CDS2: variants seen among roughly 807,000 people sequenced by gnomAD.
CDS2 encodes the protein CDP-diacylglycerol synthase 2.
CDS2 carries 47 observed loss-of-function variants against 59.0 expected under a neutral mutation model. The observed-to-expected ratio is 0.80, with a 90% CI of 0.63 to 1.02. CDS2 has a LOEUF of 1.02. CDS2 is among the 50% of genes least tolerant of loss of function. The probability of loss-of-function intolerance (pLI) is 0.00; values close to 1 mark genes in which losing one functional copy is unlikely to be tolerated. For synonymous variants in CDS2, 207 were observed against 206.4 expected (o/e 1.00, Z -0.02); for missense variants, 356 against 558.9 (o/e 0.64, Z 3.66).
rs1306154042 is a variant in CDS2 at position 5,192,309 on chromosome 20, CTCA to C, written c.*2080_*2082del. The C allele has an allele frequency of 4.0e-5, 6 of 148,842 alleles. No homozygotes were observed. The highest frequency in any genetic ancestry group is 8.9e-5 in the Non-Finnish European group (6 of 67,586). The allele number at this position is 148,842 out of a possible 1,614,324, so 9.2% of individuals were successfully genotyped here. A position where few individuals can be genotyped will look rare whatever the true frequency, so the allele number is the denominator to read the frequency against. On this transcript the variant is annotated 3_prime_UTR_variant, in exon 13 of 13. Coordinates refer to ENST00000460006, the MANE Select transcript of CDS2 (RefSeq NM_003818.4). ...AGGGAGCCGAGCATACTGGGCAAGG[CTCA>C]TCATGTTCCTTTGTGGAAGTGGTTA...
intron 1 of CDS2, among the ~76,000 whole-genome samples, chr20:5,170,778 T>C (rs1303635856): frequency 1.3e-5 from 2 of 152,156 alleles, no homozygotes; most frequent in Non-Finnish European, 2.9e-5. Flanking sequence ...TGTTCAGTGG[T>C]TTTTTGAAAA....
intron 1 of CDS2, among the ~76,000 whole-genome samples, chr20:5,143,480 G>A (rs1278405581): frequency 6.6e-6 from 1 of 152,138 alleles, no homozygotes; most frequent in East Asian, 1.9e-4. Flanking sequence ...TGAAAGTCAA[G>A]TTCCAGAACA....
chr20:5,163,783 C>CTTTTTTT (rs1568536662), intron 1 of CDS2, among the ~76,000 whole-genome samples: 1 of 142,612 alleles, frequency 7.0e-6, no homozygotes, highest in African/African-American at 2.6e-5. Flanking sequence ...TTCATAATTT[C>CTTTTTTT]TTTCTTTCTT....
At position 5,190,330 on chromosome 20, in the gene CDS2, C is replaced by A; in HGVS notation, c.*96C>A. 1.4e-3 allele frequency: 1,211 copies of A among 855,574 alleles called. No individual in the cohort carries two copies. Among genetic ancestry groups the A allele is most frequent in the Non-Finnish European group, 1.9e-3 (1,109 of 582,266 alleles). 53.0% of individuals were successfully genotyped at this position (855,574 alleles called of 1,614,324 possible). ...TGTGACTTAGACAATGACGAGGCTTCAACTCACTGTCTTTTTTTTTTTTTT... is the reference window on the plus strand; with the variant it reads ...TGTGACTTAGACAATGACGAGGCTTAAACTCACTGTCTTTTTTTTTTTTTT... On this transcript the variant is annotated 3_prime_UTR_variant, in exon 13 of 13. Transcript: ENST00000460006.
intron 4 of CDS2, among the ~76,000 whole-genome samples, chr20:5,177,227 C>T (rs537202107): frequency 6.6e-6 from 1 of 152,188 alleles, no homozygotes; most frequent in Admixed American, 6.5e-5. Flanking sequence ...ATCTCAGCAT[C>T]CCACTAGAGT....
In CDS2 at chr20:5,153,281, CAT is replaced by C. The variant is rs754008432; in HGVS notation, c.58-20239_58-20238del. ...ATGTACACTTTTTATTAAAGTATAACATATGTATAGAGTGCGTACATATCATA... is the reference window on the plus strand; with the variant it reads ...ATGTACACTTTTTATTAAAGTATAACATGTATAGAGTGCGTACATATCATA... On this transcript the variant is annotated intron_variant, in intron 1 of 12. Coordinates refer to ENST00000460006, the MANE Select transcript of CDS2 (RefSeq NM_003818.4). 2.3e-3 allele frequency among the ~76,000 whole-genome samples: 348 copies of C among 152,284 alleles called. 1 individual carries two copies. Among genetic ancestry groups the C allele is most frequent in the African/African-American group, 7.6e-3 (315 of 41,560 alleles).
chr20:5,138,411 A>G (rs894174530), intron 1 of CDS2, among the ~76,000 whole-genome samples: 107 of 152,278 alleles, frequency 7.0e-4, no homozygotes, highest in African/African-American at 2.4e-3. Context: ...CTGTAAATGC[A>G]TAGATTTATT....
chr20:5,176,801 A>G lies in CDS2; in HGVS notation c.389+56A>G, dbSNP rs577967266. ...GAATTTGGATGATGTGCTTTGTGGC[A>G]GGTACTTACAGTGACGGTGGGTATT... On this transcript the variant is annotated intron_variant, in intron 4 of 12. Transcript: ENST00000460006. The G allele has an allele frequency of 7.0e-5, 83 of 1,187,612 alleles. No individual in the cohort carries two copies. The African/African-American group carries it at 1.1e-3, about 16-fold the overall frequency. 73.6% of individuals were successfully genotyped at this position (1,187,612 alleles called of 1,614,324 possible). A position where few individuals can be genotyped will look rare whatever the true frequency, so the allele number is the denominator to read the frequency against.
chr20:5,186,299 C>T (rs2091067325), intron 9 of CDS2, among the ~76,000 whole-genome samples: 1 of 152,164 alleles, frequency 6.6e-6, no homozygotes, highest in Non-Finnish European at 1.5e-5. Flanking sequence ...AGCCTTGTTC[C>T]TCCTGAGATC....
At chr20:5,128,735 CTTGTACTACTAGT>C (rs1437116889) in intron 1 of CDS2, 48 of 152,242 alleles carry the variant, frequency 3.2e-4, no homozygotes, top group Non-Finnish European at 1.5e-5. Context: ...TCTGACTTAC[CTTGTACTACTAGT>C]TGGTGAGTAT....
intron 7 of CDS2, 61 bp downstream of exon 7, chr20:5,183,204 C>A: frequency 7.1e-7 from 1 of 1,407,308 alleles, no homozygotes; most frequent in Non-Finnish European, 1.0e-6. Flanking sequence ...GTACAGATAC[C>A]CCCCTCTAAG....
intron 3 of CDS2, chr20:5,176,045 A>C (rs2090992661): frequency 6.5e-6 from 1 of 153,704 alleles, no homozygotes. Flanking sequence ...CTTTTCAAGT[A>C]TTCAGAGTCA....
chr20:5,138,401 C>CTG (rs2090665616), intron 1 of CDS2, among the ~76,000 whole-genome samples: 2 of 152,138 alleles, frequency 1.3e-5, no homozygotes, highest in Admixed American at 1.3e-4. Context: ...AATGAGTTGA[C>CTG]TGTAAATGCA....
chr20:5,172,540 T>C (rs2090963719), intron 1 of CDS2, among the ~76,000 whole-genome samples: 1 of 152,158 alleles, frequency 6.6e-6, no homozygotes, highest in Admixed American at 6.5e-5. Flanking sequence ...ATCAGGGAAG[T>C]CAGAGGACCT....
intron 1 of CDS2, among the ~76,000 whole-genome samples, chr20:5,130,754 T>C (rs2122939339): frequency 6.7e-6 from 1 of 148,970 alleles, no homozygotes; most frequent in Non-Finnish European, 1.5e-5. Flanking sequence ...TTGCACTCCA[T>C]CCAGCCTGGG....
chr20:5,129,429 A>G (rs999335979), intron 1 of CDS2, among the ~76,000 whole-genome samples: 18 of 146,248 alleles, frequency 1.2e-4, no homozygotes, highest in Middle Eastern at 7.2e-3. Flanking sequence ...GGCATCCGCC[A>G]CCACGCTCGG....
At position 5,190,320 on chromosome 20, in the gene CDS2, G is replaced by C; in HGVS notation, c.*86G>C. Reference sequence around the variant, plus strand: ...GCCCAGCTGGTGTGACTTAGACAATGACGAGGCTTCAACTCACTGTCTTTT... The same window carrying C: ...GCCCAGCTGGTGTGACTTAGACAATCACGAGGCTTCAACTCACTGTCTTTT... On this transcript the variant is annotated 3_prime_UTR_variant, in exon 13 of 13. Coordinates refer to ENST00000460006, the MANE Select transcript of CDS2 (RefSeq NM_003818.4). 1 of 1,270,838 alleles carries C rather than the reference G, an allele frequency of 7.9e-7. No homozygotes were observed. Among genetic ancestry groups the C allele is most frequent in the East Asian group, 2.6e-5 (1 of 38,804 alleles). The allele number at this position is 1,270,838 out of a possible 1,614,324, so 78.7% of individuals were successfully genotyped here.
chr20:5,148,227 A>T (rs2090759382), intron 1 of CDS2, among the ~76,000 whole-genome samples: 1 of 152,110 alleles, frequency 6.6e-6, no homozygotes. Context: ...CTGCAAAATG[A>T]CTTGCTGGAG....
intron 1 of CDS2, chr20:5,168,516 C>T: frequency 2.1e-6 from 1 of 475,942 alleles, no homozygotes; most frequent in Non-Finnish European, 4.2e-6. Context: ...CCAAGGGATT[C>T]TCTCTAGCCA....
Sources: allele counts gnomAD v4.1 joint callset (sites outside exome capture counted in the v4.1 genomes callset), GRCh38; gene constraint gnomAD v4.1.1; transcripts MANE v1.5; gene names NCBI Gene and HGNC (gene_info 2026-07-23, HGNC 2026-07-21).